DDR2: variants seen among roughly 807,000 people sequenced by gnomAD.
DDR2 encodes the protein discoidin domain receptor tyrosine kinase 2, also known as discoidin domain-containing receptor 2.
Under a neutral mutation model 94.9 loss-of-function variants are expected in DDR2, and 27 were observed. The observed-to-expected ratio is 0.28, with a 90% confidence interval of 0.21 to 0.39. The LOEUF (loss-of-function observed/expected upper bound fraction) is 0.39. DDR2 is among the 10% of genes least tolerant of loss of function. The pLI, the probability that DDR2 is intolerant of heterozygous loss-of-function variation, is 1.00. For missense variants in DDR2, 783 were observed against 1,076.0 expected (o/e 0.73, Z 3.81); for synonymous variants, 382 against 377.2 (o/e 1.01, Z -0.15).
rs531626833 is a variant in DDR2, at chr1:162,688,104, C to G, written c.-27-30933C>G. 2.6e-5 allele frequency among the ~76,000 whole-genome samples: 4 copies of G among 152,294 alleles called. No homozygotes were observed. In the East Asian group the frequency reaches 5.8e-4, roughly 22 times the overall value. On this transcript the variant is annotated intron_variant, in intron 2 of 17. Coordinates refer to ENST00000367921, the MANE Select transcript of DDR2 (RefSeq NM_006182.4). ...GAGAGCAGTTGAAAGAGCCACTGCT[C>G]TGGACATGTTCTAAGTGGCTTCTAC...
In DDR2 at chr1:162,776,325, G is replaced by C. The variant is rs779196661; in HGVS notation, c.2238G>C (p.Arg746=). The C allele has an allele frequency of 6.2e-7, 1 of 1,614,018 alleles. No individual in the cohort carries two copies. The highest frequency in any genetic ancestry group is 1.7e-5 in the Admixed American group (1 of 59,996). The change falls in exon 16 of 18, where the codon CGG becomes CGC. Residue 746 remains arginine (R), a synonymous_variant. Coordinates refer to ENST00000367921, the MANE Select transcript of DDR2 (RefSeq NM_006182.4). ...GTGACTATTACCGGATCCAGGGCCG[G>C]GCAGTGCTCCCTATCCGCTGGATGT... The part of the protein sequence containing the change: ...YSGDYYRIQG[R]AVLPIRWMSW...
chr1:162,675,376 T>C (rs577637149), intron 2 of DDR2, among the ~76,000 whole-genome samples: 1 of 152,104 alleles, frequency 6.6e-6, no homozygotes, highest in Non-Finnish European at 1.5e-5. Context: ...GCAGAGGACA[T>C]GTGCTCAATT....
At chr1:162,658,561 G>A (rs975221046) in intron 2 of DDR2, among the ~76,000 whole-genome samples, 1 of 151,300 alleles carries the variant, frequency 6.6e-6, no homozygotes, top group Non-Finnish European at 1.5e-5. Context: ...CCGCTCAATG[G>A]CTCACGTCTG....
intron 2 of DDR2, among the ~76,000 whole-genome samples, chr1:162,711,770 TTA>T (rs940273983): frequency 1.5e-4 from 23 of 151,440 alleles, no homozygotes; most frequent in African/African-American, 3.9e-4. Context: ...GAATATATAT[TTA>T]TATATATATA....
At chr1:162,742,775 G>C (rs1662674377) in intron 3 of DDR2, among the ~76,000 whole-genome samples, 1 of 152,202 alleles carries the variant, frequency 6.6e-6, no homozygotes, top group South Asian at 2.1e-4. Context: ...TGGATTTACA[G>C]TTCCACATAG....
At chr1:162,683,987 T>G (rs967525073) in intron 2 of DDR2, among the ~76,000 whole-genome samples, 10 of 152,230 alleles carry the variant, frequency 6.6e-5, no homozygotes, top group Non-Finnish European at 2.9e-5. Context: ...ATTTGAAGAC[T>G]TATTATATAG....
chr1:162,662,035 A>G (rs1422345889), intron 2 of DDR2, among the ~76,000 whole-genome samples: 1 of 152,180 alleles, frequency 6.6e-6, no homozygotes, highest in Non-Finnish European at 1.5e-5. Flanking sequence ...GTAGGAGTGA[A>G]TTAGAGCCCC....
intron 2 of DDR2, among the ~76,000 whole-genome samples, chr1:162,677,036 C>T (rs1659163099): frequency 6.6e-6 from 1 of 152,140 alleles, no homozygotes; most frequent in Admixed American, 6.5e-5. Flanking sequence ...TTTGGCCAAT[C>T]ACAGAGGGTG....
chr1:162,758,465 AGGCATTCCTTTT>A (rs767135674), intron 7 of DDR2, among the ~76,000 whole-genome samples: 37 of 152,176 alleles, frequency 2.4e-4, no homozygotes, highest in Non-Finnish European at 4.3e-4. Context: ...GGAACTGAAC[AGGCATTCCTTTT>A]AATTTCTGTT....
In DDR2 at chr1:162,783,155, G is replaced by A. The variant is rs2102217011; in HGVS notation, c.*2909G>A. On this transcript the variant is annotated 3_prime_UTR_variant, in exon 18 of 18. Transcript: ENST00000367921. ...GTAAGTTATCTTCTTCATGATATAT[G>A]TGAATTATTTTATGTGCAGATTGTG... 6.6e-6 allele frequency: 1 copy of A among 152,290 alleles called. No homozygotes were observed. Among genetic ancestry groups the A allele is most frequent in the South Asian group, 2.1e-4 (1 of 4,828 alleles). 9.4% of individuals were successfully genotyped at this position (152,290 alleles called of 1,614,324 possible).
At chr1:162,728,349 C>T (rs1392319205) in intron 3 of DDR2, among the ~76,000 whole-genome samples, 2 of 151,574 alleles carry the variant, frequency 1.3e-5, no homozygotes, top group Admixed American at 6.6e-5. Context: ...TGAGAGTTAG[C>T]TGGAGCTGAA....
intron 3 of DDR2, 22 bp downstream of exon 3, chr1:162,719,167 T>C: frequency 6.2e-7 from 1 of 1,613,626 alleles, no homozygotes; most frequent in Non-Finnish European, 8.5e-7. Context: ...ATTACTCAGC[T>C]ATATGCTAGA....
At chr1:162,642,854 C>T (rs547334963) in intron 1 of DDR2, among the ~76,000 whole-genome samples, 2 of 152,092 alleles carry the variant, frequency 1.3e-5, no homozygotes, top group Non-Finnish European at 2.9e-5. Context: ...CTTATTTGAA[C>T]ATTCAGTGTT....
At chr1:162,726,761 A>G (rs1271252875) in intron 3 of DDR2, among the ~76,000 whole-genome samples, 7 of 152,164 alleles carry the variant, frequency 4.6e-5, no homozygotes, top group Non-Finnish European at 1.0e-4. Flanking sequence ...CTAAGAGTCT[A>G]CAGAAGAACA....
chr1:162,729,131 A>G (rs1661868820), intron 3 of DDR2, among the ~76,000 whole-genome samples: 1 of 150,916 alleles, frequency 6.6e-6, no homozygotes. Context: ...AAAGAGAAAA[A>G]AACTCCATTA....
At position 162,754,180 on chromosome 1, in the gene DDR2, C is replaced by A. The variant is rs76314961; in HGVS notation, c.186-444C>A. On this transcript the variant is annotated intron_variant, in intron 4 of 17. Transcript: ENST00000367921. ...CTCCTTGCTGGTCTGCAATGCCCAT[C>A]CTGCTGCATTGCATAACCCACACTG... Among the ~76,000 whole-genome samples, 535 of 152,252 alleles carry A rather than the reference C, an allele frequency of 3.5e-3. 7 individuals are homozygous for A. The highest frequency in any genetic ancestry group is 0.034 in the East Asian group (178 of 5,176).
At chr1:162,664,709 C>A (rs757321468) in intron 2 of DDR2, among the ~76,000 whole-genome samples, 2 of 152,038 alleles carry the variant, frequency 1.3e-5, no homozygotes, top group Non-Finnish European at 2.9e-5. Context: ...ATTATGGGAC[C>A]ATTTTTGTTT....
At chr1:162,706,660 G>T (rs181737068) in intron 2 of DDR2, among the ~76,000 whole-genome samples, 1 of 152,208 alleles carries the variant, frequency 6.6e-6, no homozygotes, top group Non-Finnish European at 1.5e-5. Flanking sequence ...TGGCAATGTG[G>T]TATTTTTAAC....
chr1:162,691,988 A>G (rs566306622), intron 2 of DDR2, among the ~76,000 whole-genome samples: 24 of 152,354 alleles, frequency 1.6e-4, no homozygotes, highest in African/African-American at 5.3e-4. Flanking sequence ...GTGGAGACAG[A>G]GACCTTCAGA....
Sources: allele counts gnomAD v4.1 joint callset (sites outside exome capture counted in the v4.1 genomes callset), GRCh38; gene constraint gnomAD v4.1.1; transcripts MANE v1.5; gene names NCBI Gene and HGNC (gene_info 2026-07-23, HGNC 2026-07-21).